Variants in PCDH7 observed in about 807,000 individuals in gnomAD.
PCDH7 encodes protocadherin-7.
PCDH7 carries 17 observed loss-of-function variants against 58.9 expected under a neutral mutation model. The ratio of observed to expected loss-of-function variants is 0.29; its 90% CI spans 0.20 to 0.43. The LOEUF is 0.43. Ranked by LOEUF, PCDH7 falls within the 20% of genes least tolerant of loss-of-function variation. The pLI is 1.00. For synonymous variants in PCDH7, 664 were observed against 616.4 expected (o/e 1.08, Z -1.14); for missense variants, 1,274 against 1,441.0 (o/e 0.88, Z 1.88).
At chr4:30,799,184 G>A (rs571803360) in intron 1 of PCDH7, among the ~76,000 whole-genome samples, 1 of 152,176 alleles carries the variant, frequency 6.6e-6, no homozygotes. Context: ...CTGCCTGGAT[G>A]TTTTCTGTCT....
intron 3 of PCDH7, among the ~76,000 whole-genome samples, chr4:31,118,550 AAAG>A (rs1370208062): frequency 6.6e-6 from 1 of 152,152 alleles, no homozygotes; most frequent in Non-Finnish European, 1.5e-5. Flanking sequence ...AAAAGAAAAA[AAAG>A]AAGAACAAAA....
intron 1 of PCDH7, among the ~76,000 whole-genome samples, chr4:30,852,430 A>G (rs958925153): frequency 1.5e-4 from 23 of 152,098 alleles, no homozygotes; most frequent in Admixed American, 4.6e-4. Context: ...CAGATATGTC[A>G]GAGGATAATG....
At chr4:30,998,427 GT>G (rs1352011403) in intron 3 of PCDH7, among the ~76,000 whole-genome samples, 1 of 152,128 alleles carries the variant, frequency 6.6e-6, no homozygotes, top group East Asian at 1.9e-4. Flanking sequence ...GTGTTTTTTT[GT>G]AGTTGTCTGA....
intron 1 of PCDH7, among the ~76,000 whole-genome samples, chr4:30,846,647 A>G (rs1462778346): frequency 6.6e-6 from 1 of 152,182 alleles, no homozygotes; most frequent in East Asian, 1.9e-4. Context: ...GTGCCACCCA[A>G]GTTGTGAGGA....
At chr4:31,143,630 A>G (rs1720488022), downstream of PCDH7, 1 of 152,154 alleles carries the variant, frequency 6.6e-6, no homozygotes, top group Non-Finnish European at 1.5e-5. Flanking sequence ...AAAATTATAT[A>G]TATTTTTTCA....
intron 1 of PCDH7, among the ~76,000 whole-genome samples, chr4:30,745,825 G>T (rs1427764260): frequency 6.6e-6 from 1 of 151,982 alleles, no homozygotes; most frequent in Non-Finnish European, 1.5e-5. Flanking sequence ...TTCTTCTAAA[G>T]AGATATTATT....
At chr4:30,982,352 C>T (rs1282886747) in intron 3 of PCDH7, among the ~76,000 whole-genome samples, 2 of 152,160 alleles carry the variant, frequency 1.3e-5, no homozygotes, top group Non-Finnish European at 2.9e-5. Flanking sequence ...GCATTTTCAG[C>T]CAGTTCTCTC....
Position 30,764,800 on chromosome 4 carries a change from A to C in PCDH7, c.70+40204A>C, listed in dbSNP as rs893439333. Among the ~76,000 whole-genome samples the C allele has an allele frequency of 2.0e-4, 30 of 152,094 alleles. 1 individual carries two copies. In the South Asian group the frequency reaches 6.2e-3, roughly 32 times the overall value. ...CAGTGGCGCGATCTCAGCTCACTAC[A>C]ACCTCCCCCTCCCTGGTTCAAGCTA... On this transcript the variant is annotated intron_variant, in intron 1 of 3. Coordinates refer to the PCDH7 transcript ENST00000509759.
At chr4:30,857,807 G>A (rs577013174) in intron 1 of PCDH7, among the ~76,000 whole-genome samples, 5 of 152,154 alleles carry the variant, frequency 3.3e-5, no homozygotes, top group Admixed American at 1.3e-4. Context: ...GTTCTGGATC[G>A]TTTCTCCTTT....
At chr4:30,756,024 A>G (rs1317524260) in intron 1 of PCDH7, among the ~76,000 whole-genome samples, 1 of 152,154 alleles carries the variant, frequency 6.6e-6, no homozygotes, top group Non-Finnish European at 1.5e-5. Context: ...GGTTGCAGTG[A>G]GCCGATATCG....
intron 3 of PCDH7, among the ~76,000 whole-genome samples, chr4:31,062,476 T>G (rs560973811): frequency 6.6e-6 from 1 of 151,858 alleles, no homozygotes; most frequent in South Asian, 2.1e-4. Flanking sequence ...CATTTAGACA[T>G]CAAAAACAGG....
chr4:30,808,881 C>A (rs1246344327), intron 1 of PCDH7, among the ~76,000 whole-genome samples: 1 of 152,116 alleles, frequency 6.6e-6, no homozygotes, highest in Non-Finnish European at 1.5e-5. Flanking sequence ...TGAAAAACCT[C>A]TCAACTTAGA....
chr4:30,895,518 CTCA>C (rs1185768519), intron 1 of PCDH7, among the ~76,000 whole-genome samples: 4 of 152,136 alleles, frequency 2.6e-5, no homozygotes, highest in Non-Finnish European at 5.9e-5. Context: ...TACCTGCACT[CTCA>C]TCATGAATGT....
chr4:30,819,069 A>G (rs1042259780), intron 1 of PCDH7, among the ~76,000 whole-genome samples: 2 of 152,174 alleles, frequency 1.3e-5, no homozygotes, highest in African/African-American at 4.8e-5. Flanking sequence ...CCTGTGATCC[A>G]CAGAGCACAG....
Position 30,724,614 on chromosome 4 carries a change from T to TA in PCDH7, c.3174+19dup. 3 of 1,609,380 alleles carry TA rather than the reference T, an allele frequency of 1.9e-6. No individual in the cohort carries two copies. ...GCAAACAGGTAAGATGTATCCCAAA[T>TA]ATATTTAAATATCCCAGGGAGGGCT... On this transcript the variant is annotated intron_variant, in intron 1 of 1. Transcript: ENST00000361762.
chr4:31,128,800 TG>T (rs1444884380), intron 3 of PCDH7, among the ~76,000 whole-genome samples: 1 of 152,178 alleles, frequency 6.6e-6, no homozygotes, highest in East Asian at 1.9e-4. Context: ...AACACTTCCA[TG>T]GGTTATTCCC....
chr4:31,036,542 A>G (rs928130063), intron 3 of PCDH7, among the ~76,000 whole-genome samples: 2 of 152,146 alleles, frequency 1.3e-5, no homozygotes, highest in Admixed American at 1.3e-4. Flanking sequence ...AAGACTCTGA[A>G]ACTAACATTT....
At position 30,722,897 on chromosome 4, in the gene PCDH7, C is replaced by T. The variant is rs1391733980; in HGVS notation, c.1475C>T (p.Pro492Leu). The T allele has an allele frequency of 3.7e-6, 6 of 1,613,752 alleles. No homozygotes were observed. The African/African-American group carries it at 6.7e-5, about 18-fold the overall frequency. ...AAGTACTTCTTGCACACCTCGACCC[C>T]TCTGGACTATGAGGCCACCCGGGAG... The change falls in exon 1 of 2, where the codon CCT (proline) becomes CTT (leucine). Residue 492 changes from proline to leucine, a missense_variant. Transcript: ENST00000361762. This position sits in a 1 kb window ranked among gnomAD's most constrained non-coding sequence, Gnocchi z 7.6.
chr4:30,812,577 C>A (rs1377357904), intron 1 of PCDH7, among the ~76,000 whole-genome samples: 2 of 151,876 alleles, frequency 1.3e-5, no homozygotes, highest in Non-Finnish European at 2.9e-5. Context: ...TTCTGTTAAG[C>A]TATTTTCAAA....
Sources: gnomAD v4.1 joint callset for allele counts (sites outside exome capture counted in the v4.1 genomes callset) on GRCh38, gnomAD v4.1.1 for gene constraint, Gnocchi (gnomAD v3.1) non-coding constraint, MANE v1.5 for transcripts, NCBI Gene and HGNC (gene_info 2026-07-23, HGNC 2026-07-21) for gene names.